The following SYNE1 variants were observed in gnomAD, a reference collection of about 807,000 sequenced individuals.
The protein encoded by SYNE1 is spectrin repeat containing nuclear envelope protein 1, also known as nesprin-1.
SYNE1 carries 616 observed loss-of-function variants against 1,111.0 expected under a neutral mutation model. That is an observed-to-expected ratio of 0.55 (90% CI 0.52 to 0.59). The LOEUF is 0.59. SYNE1 is among the 20% of genes least tolerant of loss of function. The probability of loss-of-function intolerance (pLI) is 0.00; values close to 1 mark genes in which losing one functional copy is unlikely to be tolerated. For synonymous variants in SYNE1, 3,855 were observed against 3,825.8 expected, an observed-to-expected ratio of 1.01 and a Z score of -0.28; for missense variants, 10,006 against 10,417.0, an observed-to-expected ratio of 0.96 and a Z score of 1.72.
chr6:152,481,537 C>T (rs1212647519), intron 14 of SYNE1: 1 of 453,108 alleles, frequency 2.2e-6, no homozygotes, highest in African/African-American at 2.0e-5. Flanking sequence ...TGCACATGTA[C>T]CCCCTGAATC....
chr6:152,204,847 C>G (rs1363236787), intron 126 of SYNE1, among the ~76,000 whole-genome samples: 1 of 152,132 alleles, frequency 6.6e-6, no homozygotes, highest in Non-Finnish European at 1.5e-5. Context: ...ACTCAGACAT[C>G]ATGCCTTATT....
At chr6:152,260,939 G>A (rs1355560417) in intron 101 of SYNE1, among the ~76,000 whole-genome samples, 1 of 152,084 alleles carries the variant, frequency 6.6e-6, no homozygotes, top group Non-Finnish European at 1.5e-5. Context: ...AACAGGCCAC[G>A]GACCCATACC....
At chr6:152,265,060 G>A (rs1334705597) in intron 100 of SYNE1, among the ~76,000 whole-genome samples, 3 of 151,852 alleles carry the variant, frequency 2.0e-5, no homozygotes, top group African/African-American at 7.3e-5. Context: ...AACACAATTA[G>A]CCAAGCATAG....
intron 4 of SYNE1, among the ~76,000 whole-genome samples, chr6:152,529,837 T>TGG (rs149380721): frequency 2.0e-5 from 3 of 151,702 alleles, no homozygotes; most frequent in Non-Finnish European, 4.4e-5. Context: ...AGGGTTTTAC[T>TGG]GGGGGGTCTA....
At chr6:152,179,015 G>C (rs1195184914) in intron 129 of SYNE1, among the ~76,000 whole-genome samples, 1 of 149,152 alleles carries the variant, frequency 6.7e-6, no homozygotes, top group Non-Finnish European at 1.5e-5. Flanking sequence ...CTGGGTTCAA[G>C]TGATTCTCTT....
intron 131 of SYNE1, among the ~76,000 whole-genome samples, chr6:152,159,977 A>C (rs6908985): frequency 0.32 from 49,176 of 151,800 alleles, 10,313 homozygotes; most frequent in African/African-American, 0.6. Flanking sequence ...AATATTTTTC[A>C]CATTTGAGGA....
In SYNE1 at chr6:152,390,686, C is replaced by T. The variant is rs557295344; in HGVS notation, c.8005-234G>A. On this transcript the variant is annotated intron_variant, in intron 52 of 145. Coordinates refer to ENST00000367255, the MANE Select transcript of SYNE1 (RefSeq NM_182961.4). ...TTCTTAGAAAACTAGGACCACTAGC[C>T]TAGAAAGTATAATTTTATTGACTTC... 2.6e-5 allele frequency among the ~76,000 whole-genome samples: 4 copies of T among 152,190 alleles called. No homozygotes were observed. The South Asian group carries it at 8.3e-4, about 32-fold the overall frequency.
intron 51 of SYNE1, among the ~76,000 whole-genome samples, chr6:152,394,542 G>A (rs1360522815): frequency 6.6e-6 from 1 of 151,894 alleles, no homozygotes; most frequent in Non-Finnish European, 1.5e-5. Flanking sequence ...CCTCAATGTA[G>A]GGTCAAAAGC....
chr6:152,144,050 A>G, intron 137 of SYNE1: 1 of 445,424 alleles, frequency 2.2e-6, no homozygotes, highest in South Asian at 2.1e-5. Flanking sequence ...TTCCAGCTGA[A>G]CCCCTGATCA....
intron 97 of SYNE1, among the ~76,000 whole-genome samples, chr6:152,280,542 A>G (rs961884245): frequency 3.9e-5 from 6 of 152,060 alleles, no homozygotes; most frequent in African/African-American, 1.4e-4. Context: ...AAGATTGAAC[A>G]CCCCTGTCTT....
At chr6:152,587,894 C>T (rs1464545408) in intron 3 of SYNE1, among the ~76,000 whole-genome samples, 1 of 152,190 alleles carries the variant, frequency 6.6e-6, no homozygotes, top group Non-Finnish European at 1.5e-5. Flanking sequence ...AACTCAACTA[C>T]TATAAATTAT....
chr6:152,344,661 C>T (rs1187670352), intron 73 of SYNE1, among the ~76,000 whole-genome samples: 1 of 152,164 alleles, frequency 6.6e-6, no homozygotes, highest in African/African-American at 2.4e-5. Flanking sequence ...ACCAATGTTT[C>T]TCTAACTGAG....
intron 135 of SYNE1, among the ~76,000 whole-genome samples, chr6:152,150,503 T>C (rs1313994593): frequency 6.6e-6 from 1 of 152,196 alleles, no homozygotes; most frequent in Non-Finnish European, 1.5e-5. Context: ...TGAGGCAGAA[T>C]AGCAGGGTTT....
At chr6:152,451,283 A>G (rs2098646817) in intron 25 of SYNE1, 78 bp from the exon 26 acceptor site, 2 of 1,478,196 alleles carry the variant, frequency 1.4e-6, no homozygotes, top group South Asian at 2.3e-5. Flanking sequence ...TGGCAAAAAA[A>G]AAAACAAAAA....
chr6:152,132,985 G>A (rs2056212551), intron 143 of SYNE1, among the ~76,000 whole-genome samples: 1 of 151,806 alleles, frequency 6.6e-6, no homozygotes, highest in Non-Finnish European at 1.5e-5. Flanking sequence ...TAATTAAAGT[G>A]TGTAAATTCT....
chr6:152,148,394 A>C lies in SYNE1; in HGVS notation c.24643-16T>G. On this transcript the variant is annotated splice_polypyrimidine_tract_variant and intron_variant, in intron 136 of 145. Transcript: ENST00000367255. The surrounding 1 kb of genome is among the most constrained non-coding windows in gnomAD (Gnocchi z 4.1). ...CGTCTGGGAGCTAGAAGGGAAGTCAAGGCAACCCTGTCACTGTAGTGGTCA... is the reference window on the plus strand; with the variant it reads ...CGTCTGGGAGCTAGAAGGGAAGTCACGGCAACCCTGTCACTGTAGTGGTCA... 1 of 1,610,802 alleles carries C rather than the reference A, an allele frequency of 6.2e-7. No homozygotes were observed. Among genetic ancestry groups the C allele is most frequent in the South Asian group, 1.1e-5 (1 of 90,552 alleles).
At position 152,415,789 on chromosome 6, in the gene SYNE1, TA is replaced by T. The variant is rs1209590450; in HGVS notation, c.6050+597del. ...GTCGTTAATCTTATCTTCAAAGTGGTAAAAAAAAAAAAAAAAAAAAAAAAAA... is the reference window on the plus strand; with the variant it reads ...GTCGTTAATCTTATCTTCAAAGTGGTAAAAAAAAAAAAAAAAAAAAAAAAA... On this transcript the variant is annotated intron_variant, in intron 41 of 145. Transcript: ENST00000367255. 3.2e-3 allele frequency among the ~76,000 whole-genome samples: 233 copies of T among 73,026 alleles called. 1 individual carries two copies. Among genetic ancestry groups the T allele is most frequent in the East Asian group, 0.025 (48 of 1,950 alleles). The allele number at this position is 73,026 out of a possible 152,430, so 47.9% of individuals were successfully genotyped here.
At chr6:152,169,114 C>A (rs112783612) in intron 130 of SYNE1, among the ~76,000 whole-genome samples, 15 of 151,960 alleles carry the variant, frequency 9.9e-5, no homozygotes, top group African/African-American at 3.4e-4. Flanking sequence ...AAACTACACA[C>A]AAATAAATAA....
chr6:152,197,155 G>C (rs1265028028), intron 127 of SYNE1, among the ~76,000 whole-genome samples: 1 of 152,188 alleles, frequency 6.6e-6, no homozygotes, highest in African/African-American at 2.4e-5. Context: ...AAGAGGTGGT[G>C]TGGGCAATCC....
Sources: allele counts gnomAD v4.1 joint callset (sites outside exome capture counted in the v4.1 genomes callset), GRCh38; gene constraint gnomAD v4.1.1; non-coding constraint Gnocchi (gnomAD v3.1); transcripts MANE v1.5; gene names NCBI Gene and HGNC (gene_info 2026-07-23, HGNC 2026-07-21).